Variants in MYOM3 observed in about 807,000 individuals in gnomAD.
The protein encoded by MYOM3 is myomesin-3.
A neutral mutation model predicts 191.7 loss-of-function variants in MYOM3; 155 were observed. The ratio of observed to expected loss-of-function variants is 0.81; its 90% CI spans 0.71 to 0.92. MYOM3 has a LOEUF of 0.92. Ranked by LOEUF, MYOM3 falls within the 40% of genes least tolerant of loss-of-function variation. MYOM3 has a pLI of 0.00. For synonymous variants in MYOM3, 757 were observed against 762.9 expected (o/e 0.99, Z 0.13); for missense variants, 1,889 against 1,890.6 (o/e 1.00, Z 0.02).
chr1:24,082,289 G>T, intron 17 of MYOM3, 101 bp from the exon 18 acceptor site: 1 of 1,119,650 alleles, frequency 8.9e-7, no homozygotes, highest in Non-Finnish European at 1.3e-6. Context: ...GTTGGTGCCT[G>T]CCCTACTCCA....
At position 24,087,330 on chromosome 1, in the gene MYOM3, C is replaced by T. The variant is rs1377867114; in HGVS notation, c.1615-503G>A. On this transcript the variant is annotated intron_variant, in intron 14 of 36. Transcript: ENST00000374434. The surrounding 1 kb of genome is among the most constrained non-coding windows in gnomAD (Gnocchi z 4.5). ...CTCCCCTCCATTTCTACCTATAACC[C>T]CCTTCCGTCTTGTCTCAAATGGCCA... is the stretch of plus-strand genomic sequence containing the variant. 6.6e-6 allele frequency among the ~76,000 whole-genome samples: 1 copy of T among 152,160 alleles called. No individual in the cohort carries two copies. Among genetic ancestry groups the T allele is most frequent in the African/African-American group, 2.4e-5 (1 of 41,428 alleles).
rs115240467 is a variant in MYOM3 at position 24,091,193 on chromosome 1, C to G, written c.1233-197G>C. Among the ~76,000 whole-genome samples the G allele has an allele frequency of 8.3e-3, 1,262 of 152,330 alleles. 11 individuals are homozygous for G. The highest frequency in any genetic ancestry group is 0.027 in the Middle Eastern group (8 of 294). On this transcript the variant is annotated intron_variant, in intron 11 of 36. Coordinates refer to ENST00000374434, the MANE Select transcript of MYOM3 (RefSeq NM_152372.4). Reference sequence around the variant, plus strand: ...ACCTTTTCACCATCCCTGACACTGACCAGCAGCAGTGCCTTTCATGGGGCA... The same window carrying G: ...ACCTTTTCACCATCCCTGACACTGAGCAGCAGCAGTGCCTTTCATGGGGCA...
At chr1:24,100,317 A>G (rs942284787) in intron 5 of MYOM3, among the ~76,000 whole-genome samples, 1 of 152,184 alleles carries the variant, frequency 6.6e-6, no homozygotes, top group African/African-American at 2.4e-5. Context: ...GGATGGGCTT[A>G]TAAAGCCTTT....
chr1:24,068,018 G>T lies in MYOM3; in HGVS notation c.3307C>A (p.Leu1103Ile). ...LTLVDDDFDK[L>I]LRKADAKRRD... is the part of the protein sequence containing the mutation. ...CTCTTAGCATCTGCCTTCCTCAGAAGCTTGTCAAAATCTGTGAACACAGAG... is the reference window on the plus strand; with the variant it reads ...CTCTTAGCATCTGCCTTCCTCAGAATCTTGTCAAAATCTGTGAACACAGAG... Residue 1103 changes from leucine (L) to isoleucine (I), a missense_variant, in exon 27 of 37, where the codon CTT becomes ATT. Leu to Ile is a conservative substitution (Grantham distance 5). Transcript: ENST00000374434. 1 of 1,614,226 alleles carries T rather than the reference G, an allele frequency of 6.2e-7. No individual in the cohort carries two copies.
At chr1:24,100,265 A>G (rs1643902341) in intron 5 of MYOM3, among the ~76,000 whole-genome samples, 1 of 152,204 alleles carries the variant, frequency 6.6e-6, no homozygotes, top group Non-Finnish European at 1.5e-5. Flanking sequence ...AAATGGCGGT[A>G]TGAGAACACT....
At chr1:24,105,315 G>A (rs947502932) in intron 5 of MYOM3, among the ~76,000 whole-genome samples, 10 of 152,234 alleles carry the variant, frequency 6.6e-5, no homozygotes, top group African/African-American at 2.2e-4. Context: ...GAGACCTCAC[G>A]CTGAGTGAGG....
Position 24,082,049 on chromosome 1 carries a change from C to T in MYOM3, c.2232G>A (p.Leu744=). The T allele has an allele frequency of 1.9e-6, 3 of 1,612,264 alleles. No individual in the cohort carries two copies. The highest frequency in any genetic ancestry group is 2.5e-6 in the Non-Finnish European group (3 of 1,179,896). ...YFLDQHDSEE[L]DWHAVNQQPI... is the part of the protein sequence containing the mutation. ...GCTGCTGATTGACCGCATGCCAGTCCAGCTCTTCCGAGTCATGCTGGTCCA... is the reference window on the plus strand; with the variant it reads ...GCTGCTGATTGACCGCATGCCAGTCTAGCTCTTCCGAGTCATGCTGGTCCA... Residue 744 remains leucine (L), a synonymous_variant, in exon 18 of 37, where the codon CTG becomes CTA. Coordinates refer to ENST00000374434, the MANE Select transcript of MYOM3 (RefSeq NM_152372.4).
Position 24,056,737 on chromosome 1 carries a change from A to C in MYOM3, c.*627T>G, listed in dbSNP as rs1643306330. On this transcript the variant is annotated 3_prime_UTR_variant, in exon 37 of 37. Transcript: ENST00000374434. The stretch of plus-strand genomic sequence containing the variant: ...GACCCTCTGTCTCCCTCCTTGGACC[A>C]CTGGCGGCACTTTCCTTGGACCTGC... 1 of 152,410 alleles carries C rather than the reference A, an allele frequency of 6.6e-6. No homozygotes were observed. The highest frequency in any genetic ancestry group is 2.4e-5 in the African/African-American group (1 of 41,438). The allele number at this position is 152,410 out of a possible 1,614,324, so 9.4% of individuals were successfully genotyped here. A position where few individuals can be genotyped will look rare whatever the true frequency, so the allele number is the denominator to read the frequency against.
chr1:24,097,189 G>C (rs989393793), intron 7 of MYOM3, among the ~76,000 whole-genome samples: 4 of 152,210 alleles, frequency 2.6e-5, no homozygotes, highest in African/African-American at 9.6e-5. Context: ...GAGTTGCTGG[G>C]GTTTGGCTTT....
Position 24,084,512 on chromosome 1 carries a change from T to C in MYOM3, c.1926A>G (p.Thr642=). ...TGTTGTTAACTGTTTGCCACTCAGA[T>C]GTCCCCACCTTCCGGGAGTAGATGT... ...GYYIYSRKVG[T]SEWQTVNNKP... is the part of the protein sequence containing the mutation. Residue 642 remains threonine, a synonymous_variant, in exon 16 of 37, where the codon ACA becomes ACG. Coordinates refer to ENST00000374434, the MANE Select transcript of MYOM3 (RefSeq NM_152372.4). 2 of 1,614,230 alleles carry C rather than the reference T, an allele frequency of 1.2e-6. No homozygotes were observed. Among genetic ancestry groups the C allele is most frequent in the South Asian group, 2.2e-5 (2 of 91,082 alleles).
intron 32 of MYOM3, among the ~76,000 whole-genome samples, chr1:24,062,380 G>C (rs185459716): frequency 1.9e-3 from 291 of 152,278 alleles, no homozygotes; most frequent in African/African-American, 6.7e-3. Flanking sequence ...ACACCTCTCT[G>C]CTTAGTCACA....
Position 24,089,598 on chromosome 1 carries a change from A to G in MYOM3, c.1554T>C (p.Val518=). 1 of 1,596,654 alleles carries G rather than the reference A, an allele frequency of 6.3e-7. No homozygotes were observed. The highest frequency in any genetic ancestry group is 8.5e-7 in the Non-Finnish European group (1 of 1,171,874). ...GGGGGCTGGGCTCCTCCCAGGCCAGAACCACATAGGCCTCTCGGATCTCGC... is the reference window on the plus strand; with the variant it reads ...GGGGGCTGGGCTCCTCCCAGGCCAGGACCACATAGGCCTCTCGGATCTCGC... ...HASEIREAYV[V]LAWEEPSPRD... Residue 518 remains valine (V), a synonymous_variant, in exon 14 of 37, where the codon GTT becomes GTC. Transcript: ENST00000374434.
At chr1:24,083,610 CA>C (rs1321027457) in intron 16 of MYOM3, 1 of 152,280 alleles carries the variant, frequency 6.6e-6, no homozygotes, top group Non-Finnish European at 1.5e-5. Flanking sequence ...CTGACTGATA[CA>C]GAAAGGGTGA....
In MYOM3 at chr1:24,065,047, G is replaced by A. The variant is rs189635962; in HGVS notation, c.3534+844C>T. Among the ~76,000 whole-genome samples, 399 of 152,292 alleles carry A rather than the reference G, an allele frequency of 2.6e-3. 1 individual carries two copies. The highest frequency in any genetic ancestry group is 0.02 in the Admixed American group (311 of 15,298). ...CTGCCTGTATGCTACAGCTGCTGTG[G>A]GGATCAAGGGAGGTAACTCTTAGGA... On this transcript the variant is annotated intron_variant, in intron 29 of 36. Coordinates refer to ENST00000374434, the MANE Select transcript of MYOM3 (RefSeq NM_152372.4).
intron 20 of MYOM3, among the ~76,000 whole-genome samples, chr1:24,079,174 T>C (rs896777300): frequency 6.6e-6 from 1 of 152,190 alleles, no homozygotes; most frequent in African/African-American, 2.4e-5. Context: ...TGGATATCTT[T>C]TTGTGTCAAT....
intron 8 of MYOM3, 70 bp downstream of exon 8, chr1:24,095,372 G>C: frequency 6.9e-7 from 1 of 1,444,168 alleles, no homozygotes; most frequent in Non-Finnish European, 9.6e-7. Flanking sequence ...TTCTAAACAG[G>C]GACTGTGGGG....
intron 35 of MYOM3, 41 bp downstream of exon 35, chr1:24,061,019 A>T: frequency 4.3e-6 from 7 of 1,613,798 alleles, no homozygotes; most frequent in Non-Finnish European, 5.1e-6. Flanking sequence ...AGTTTGCCCC[A>T]AATTCAGAAA....
intron 33 of MYOM3, 150 bp from the exon 34 acceptor site, chr1:24,061,459 G>C: frequency 1.3e-6 from 1 of 757,494 alleles, no homozygotes; most frequent in Non-Finnish European, 2.2e-6. Context: ...GCAGGACTGC[G>C]TGGGAGGGTA....
chr1:24,057,774 A>G (rs1643320967), intron 36 of MYOM3, 147 bp from the exon 37 acceptor site: 2 of 653,852 alleles, frequency 3.1e-6, no homozygotes, highest in Admixed American at 5.9e-5. Context: ...TAAAGGGGAG[A>G]GATTTTATTT....
Sources: allele counts gnomAD v4.1 joint callset (sites outside exome capture counted in the v4.1 genomes callset), GRCh38; gene constraint gnomAD v4.1.1; non-coding constraint Gnocchi (gnomAD v3.1); transcripts MANE v1.5; gene names NCBI Gene and HGNC (gene_info 2026-07-23, HGNC 2026-07-21).